Variants in DNAJC3 observed in about 807,000 individuals in gnomAD.
DNAJC3 encodes the protein dnaJ homolog subfamily C member 3.
A neutral mutation model predicts 68.6 loss-of-function variants in DNAJC3; 38 were observed. That is an observed-to-expected ratio of 0.55 (90% CI 0.43 to 0.73). The LOEUF is 0.73. DNAJC3 is among the 30% of genes least tolerant of loss of function. The pLI is 0.00. For synonymous variants in DNAJC3, 203 were observed against 204.0 expected (o/e 1.00, Z 0.04); for missense variants, 526 against 591.9 (o/e 0.89, Z 1.16).
chr13:95,691,862 G>C (rs766688383), intron 1 of DNAJC3, among the ~76,000 whole-genome samples: 6 of 152,250 alleles, frequency 3.9e-5, no homozygotes, highest in African/African-American at 1.4e-4. Flanking sequence ...AGACCAGCCC[G>C]GCCAACACAG....
At chr13:95,779,482 C>T (rs908125589) in intron 9 of DNAJC3, among the ~76,000 whole-genome samples, 2 of 152,160 alleles carry the variant, frequency 1.3e-5, no homozygotes, top group African/African-American at 4.8e-5. Context: ...AGCTCTAGAA[C>T]ATTTTTATTT....
chr13:95,789,063 G>A (rs528019350), intron 11 of DNAJC3, among the ~76,000 whole-genome samples: 3 of 152,176 alleles, frequency 2.0e-5, no homozygotes, highest in African/African-American at 7.2e-5. Flanking sequence ...CTGTGAGAGA[G>A]CAAAGCGAGA....
At chr13:95,772,998 T>G (rs1883195050) in intron 9 of DNAJC3, among the ~76,000 whole-genome samples, 1 of 151,940 alleles carries the variant, frequency 6.6e-6, no homozygotes, top group Admixed American at 6.6e-5. Context: ...CAGTTCAAAA[T>G]TGTCCCTCCT....
At chr13:95,680,858 C>T (rs1356290311) in intron 1 of DNAJC3, among the ~76,000 whole-genome samples, 9 of 152,198 alleles carry the variant, frequency 5.9e-5, no homozygotes, top group African/African-American at 2.2e-4. Context: ...CATTCACCTG[C>T]TCTTCAGAAC....
chr13:95,715,694 G>A (rs986670068), intron 2 of DNAJC3, among the ~76,000 whole-genome samples: 1 of 151,210 alleles, frequency 6.6e-6, no homozygotes, highest in Non-Finnish European at 1.5e-5. Context: ...CACCATGTTG[G>A]CGAGGATGGT....
intron 4 of DNAJC3, among the ~76,000 whole-genome samples, chr13:95,748,405 A>G (rs904570351): frequency 3.3e-5 from 5 of 152,232 alleles, no homozygotes; most frequent in Admixed American, 2.0e-4. Context: ...AAACAATTCA[A>G]ACTAACATAA....
chr13:95,750,381 G>A (rs998588755), intron 4 of DNAJC3, among the ~76,000 whole-genome samples: 28 of 152,050 alleles, frequency 1.8e-4, no homozygotes, highest in African/African-American at 6.0e-4. Context: ...AGTGCCTGGA[G>A]CACAGAAAGC....
chr13:95,679,199 C>CTTTTTTTTTTTTTTTTTTTTTTTTTTT (rs3086610), intron 1 of DNAJC3, among the ~76,000 whole-genome samples: 1 of 108,414 alleles, frequency 9.2e-6, no homozygotes. Flanking sequence ...AAAATCAGCA[C>CTTTTTTTTTTTTTTTTTTTTTTTTTTT]TTTTTTTTTT....
chr13:95,691,223 T>G (rs1880247048), intron 1 of DNAJC3, among the ~76,000 whole-genome samples: 1 of 144,674 alleles, frequency 6.9e-6, no homozygotes, highest in African/African-American at 2.6e-5. Context: ...CCGGACGAGG[T>G]GGCTGCCGGG....
rs953963140 is a variant in DNAJC3 at position 95,765,654 on chromosome 13, C to A, written c.1075+1701C>A. Among the ~76,000 whole-genome samples the A allele has an allele frequency of 2.7e-5, 4 of 150,602 alleles. No individual in the cohort carries two copies. The East Asian group carries it at 7.8e-4, about 29-fold the overall frequency. ...TGGCACAATCTTGGCTCACTGCAAC[C>A]TCCACCTCCCAATTGCAACCAATTC... On this transcript the variant is annotated intron_variant, in intron 9 of 11. Transcript: ENST00000602402.
chr13:95,689,792 T>G (rs1010125111), intron 1 of DNAJC3, among the ~76,000 whole-genome samples: 4 of 152,142 alleles, frequency 2.6e-5, no homozygotes, highest in African/African-American at 9.7e-5. Context: ...TTTGGTATGC[T>G]ATGTTTCTGT....
intron 2 of DNAJC3, among the ~76,000 whole-genome samples, chr13:95,720,286 G>A (rs190002652): frequency 1.2e-3 from 185 of 152,224 alleles, no homozygotes; most frequent in Non-Finnish European, 2.1e-3. Context: ...TTAAATCATC[G>A]TATTTCCAGT....
chr13:95,790,975 G>A lies in DNAJC3; in HGVS notation c.1460G>A (p.Gly487Glu). Reference sequence around the variant, plus strand: ...CACAGAAGCTGGAACTCATGGCAAGGGTTCAATCCCTTCAGCTCAGGCGGA... The same window carrying A: ...CACAGAAGCTGGAACTCATGGCAAGAGTTCAATCCCTTCAGCTCAGGCGGA... Reference protein sequence around the residue: ...PFHRSWNSWQGFNPFSSGGPF... With the variant: ...PFHRSWNSWQEFNPFSSGGPF... Residue 487 changes from glycine to glutamate, a missense_variant, in exon 12 of 12, where the codon GGG becomes GAG. Coordinates refer to ENST00000602402, the MANE Select transcript of DNAJC3 (RefSeq NM_006260.5). 2 of 1,613,094 alleles carry A rather than the reference G, an allele frequency of 1.2e-6. No homozygotes were observed. Among genetic ancestry groups the A allele is most frequent in the Non-Finnish European group, 1.7e-6 (2 of 1,179,710 alleles).
rs1036999081 is a variant in DNAJC3, at chr13:95,720,621, G to GT, written c.194-2619dup. ...CTGAAAAATACTGTATATCAAGCAAGTTCTAAATGTAGTTACTCTGATTCC... is the reference window on the plus strand; with the variant it reads ...CTGAAAAATACTGTATATCAAGCAAGTTTCTAAATGTAGTTACTCTGATTCC... On this transcript the variant is annotated intron_variant, in intron 2 of 11. Coordinates refer to ENST00000602402, the MANE Select transcript of DNAJC3 (RefSeq NM_006260.5). Among the ~76,000 whole-genome samples the GT allele has an allele frequency of 2.7e-4, 41 of 152,184 alleles. 1 individual carries two copies. The highest frequency in any genetic ancestry group is 2.4e-3 in the Admixed American group (36 of 15,282).
In DNAJC3 at chr13:95,791,168, C is replaced by CT. The variant is rs1883761329; in HGVS notation, c.*139dup. 1.0e-6 allele frequency: 1 copy of CT among 974,906 alleles called. No homozygotes were observed. The highest frequency in any genetic ancestry group is 2.6e-5 in the East Asian group (1 of 38,214). The allele number at this position is 974,906 out of a possible 1,614,324, so 60.4% of individuals were successfully genotyped here. A position where few individuals can be genotyped will look rare whatever the true frequency, so the allele number is the denominator to read the frequency against. On this transcript the variant is annotated 3_prime_UTR_variant, in exon 12 of 12. Coordinates refer to ENST00000602402, the MANE Select transcript of DNAJC3 (RefSeq NM_006260.5). The stretch of plus-strand genomic sequence containing the variant: ...AAGAGTTGCTTTAATAGGAAAAAAT[C>CT]TGTTCTTATCCCTGTCAGATTTATG...
chr13:95,786,882 A>G (rs1883617190), intron 10 of DNAJC3, 125 bp from the exon 11 acceptor site: 2 of 1,144,956 alleles, frequency 1.7e-6, no homozygotes, highest in South Asian at 1.6e-5. Context: ...CTGTGATACC[A>G]TTGGAACTAT....
intron 4 of DNAJC3, among the ~76,000 whole-genome samples, chr13:95,741,748 C>A (rs1272914378): frequency 6.6e-6 from 1 of 152,114 alleles, no homozygotes; most frequent in African/African-American, 2.4e-5. Flanking sequence ...GGTGGTGTGT[C>A]CTGGTGTATG....
At chr13:95,685,644 TTG>T (rs2139599138) in intron 1 of DNAJC3, among the ~76,000 whole-genome samples, 1 of 152,276 alleles carries the variant, frequency 6.6e-6, no homozygotes, top group African/African-American at 2.4e-5. Context: ...TTATGTTGAA[TTG>T]TAATCCCTAA....
At chr13:95,738,294 A>T (rs919841030) in intron 4 of DNAJC3, among the ~76,000 whole-genome samples, 40 of 150,548 alleles carry the variant, frequency 2.7e-4, no homozygotes, top group African/African-American at 9.3e-4. Context: ...AAAAATGTAT[A>T]TTCTGTTGAT....
Sources: gnomAD v4.1 joint callset for allele counts (sites outside exome capture counted in the v4.1 genomes callset) on GRCh38, gnomAD v4.1.1 for gene constraint, MANE v1.5 for transcripts, NCBI Gene and HGNC (gene_info 2026-07-23, HGNC 2026-07-21) for gene names.